Variants in SHE observed in about 807,000 individuals in gnomAD.
SHE encodes the protein SH2 domain-containing adapter protein E.
SHE carries 11 observed loss-of-function variants against 49.8 expected under a neutral mutation model. That is an observed-to-expected ratio of 0.22 (90% CI 0.14 to 0.37). The LOEUF (loss-of-function observed/expected upper bound fraction) is 0.37. Among genes scored for constraint, SHE ranks in the 10% least tolerant of loss-of-function variants. The pLI, the probability that SHE is intolerant of heterozygous loss-of-function variation, is 1.00. For missense variants in SHE, 624 were observed against 655.5 expected (o/e 0.95, Z 0.52); for synonymous variants, 310 against 278.1 (o/e 1.11, Z -1.14).
chr1:154,493,522 G>T (rs745858373), intron 2 of SHE, among the ~76,000 whole-genome samples: 14 of 152,234 alleles, frequency 9.2e-5, no homozygotes, highest in Non-Finnish European at 1.3e-4. Context: ...CAGGGGACGG[G>T]CAGCAGATAA....
At chr1:154,474,155 C>T (rs1028512984) in intron 1 of SHE, among the ~76,000 whole-genome samples, 1 of 152,222 alleles carries the variant, frequency 6.6e-6, no homozygotes, top group African/African-American at 2.4e-5. Flanking sequence ...CTGACCCACT[C>T]ACCCCGGGAG....
chr1:154,483,143 A>G lies in SHE; in HGVS notation c.*1006T>C. Reference sequence around the variant, plus strand: ...AATTCTAATAATGATGCCAATGCCTAATGATATTGGTGATTCTTAAACCTG... The same window carrying G: ...AATTCTAATAATGATGCCAATGCCTGATGATATTGGTGATTCTTAAACCTG... On this transcript the variant is annotated 3_prime_UTR_variant, in exon 6 of 6. Coordinates refer to ENST00000304760, the MANE Select transcript of SHE (RefSeq NM_001010846.3). 1 of 984,392 alleles carries G rather than the reference A, an allele frequency of 1.0e-6. No individual in the cohort carries two copies. Among genetic ancestry groups the G allele is most frequent in the Non-Finnish European group, 1.2e-6 (1 of 828,990 alleles). 61.0% of individuals were successfully genotyped at this position (984,392 alleles called of 1,614,324 possible).
rs1691971415 is a variant in SHE at position 154,479,784 on chromosome 1, A to G, written c.*4365T>C. 1 of 985,290 alleles carries G rather than the reference A, an allele frequency of 1.0e-6. No individual in the cohort carries two copies. Among genetic ancestry groups the G allele is most frequent in the Admixed American group, 6.2e-5 (1 of 16,254 alleles). 61.0% of individuals were successfully genotyped at this position (985,290 alleles called of 1,614,324 possible). A position where few individuals can be genotyped will look rare whatever the true frequency, so the allele number is the denominator to read the frequency against. The stretch of plus-strand genomic sequence containing the variant: ...CTGTTGCCAGCATATTAATTAAAAT[A>G]CAATTTGAGATTCTAAATTACACGA... On this transcript the variant is annotated 3_prime_UTR_variant, in exon 6 of 6. Transcript: ENST00000304760.
downstream of SHE, among the ~76,000 whole-genome samples, chr1:154,475,033 G>A (rs76215472): frequency 6.6e-6 from 1 of 152,080 alleles, no homozygotes; most frequent in Admixed American, 6.5e-5. Context: ...CTGTGTCTGG[G>A]AGCAAATGAC....
intron 2 of SHE, among the ~76,000 whole-genome samples, chr1:154,494,270 A>G (rs1054639745): frequency 6.6e-6 from 1 of 152,182 alleles, no homozygotes; most frequent in African/African-American, 2.4e-5. Context: ...CCTGAAATTT[A>G]GCGAGGAGAA....
Position 154,502,236 on chromosome 1 carries a change from G to C in SHE, c.-210C>G, listed in dbSNP as rs964263529. 6.1e-5 allele frequency: 16 copies of C among 262,912 alleles called. No homozygotes were observed. In the East Asian group the frequency reaches 1.5e-3, roughly 24 times the overall value. 16.3% of individuals were successfully genotyped at this position (262,912 alleles called of 1,614,324 possible). On this transcript the variant is annotated 5_prime_UTR_variant, in exon 1 of 6. Transcript: ENST00000304760. ...CCGGGCTCGTCTTCAACGCCTGCCC[G>C]GCCCGAGGACACCGTGGCTCTCGGA...
At chr1:154,474,392 C>T (rs1691825834) in intron 1 of SHE, among the ~76,000 whole-genome samples, 1 of 152,176 alleles carries the variant, frequency 6.6e-6, no homozygotes, top group African/African-American at 2.4e-5. Context: ...AGCCACTTCC[C>T]CTCCATCTAT....
chr1:154,491,697 G>T (rs1692371022), intron 2 of SHE, among the ~76,000 whole-genome samples: 1 of 152,220 alleles, frequency 6.6e-6, no homozygotes, highest in Non-Finnish European at 1.5e-5. Flanking sequence ...TGGATGGATG[G>T]GAGGAGAGAG....
chr1:154,502,092 C>G lies in SHE; in HGVS notation c.-66G>C. Reference sequence around the variant, plus strand: ...CGACGGCTGCTCCGTGCGCCCCCGGCCGGCCGTCGCCCACGCCCGGCAGGG... The same window carrying G: ...CGACGGCTGCTCCGTGCGCCCCCGGGCGGCCGTCGCCCACGCCCGGCAGGG... On this transcript the variant is annotated 5_prime_UTR_variant, in exon 1 of 6. Transcript: ENST00000304760. 8.4e-7 allele frequency: 1 copy of G among 1,186,662 alleles called. No homozygotes were observed. The highest frequency in any genetic ancestry group is 1.1e-6 in the Non-Finnish European group (1 of 950,268). The allele number at this position is 1,186,662 out of a possible 1,614,324, so 73.5% of individuals were successfully genotyped here. A position where few individuals can be genotyped will look rare whatever the true frequency, so the allele number is the denominator to read the frequency against.
rs1691971702 is a variant in SHE, at chr1:154,479,808, G to A, written c.*4341C>T. Reference sequence around the variant, plus strand: ...TACAATTTGAGATTCTAAATTACACGATCCAGCCTTAGTCCAGGGACCTTG... The same window carrying A: ...TACAATTTGAGATTCTAAATTACACAATCCAGCCTTAGTCCAGGGACCTTG... On this transcript the variant is annotated 3_prime_UTR_variant, in exon 6 of 6. Coordinates refer to ENST00000304760, the MANE Select transcript of SHE (RefSeq NM_001010846.3). 1.0e-6 allele frequency: 1 copy of A among 985,322 alleles called. No homozygotes were observed. The highest frequency in any genetic ancestry group is 1.2e-6 in the Non-Finnish European group (1 of 829,888). 61.0% of individuals were successfully genotyped at this position (985,322 alleles called of 1,614,324 possible). A position where few individuals can be genotyped will look rare whatever the true frequency, so the allele number is the denominator to read the frequency against.
intron 4 of SHE, 67 bp downstream of exon 4, chr1:154,486,460 G>C: frequency 6.4e-7 from 1 of 1,572,234 alleles, no homozygotes; most frequent in Non-Finnish European, 8.6e-7. Context: ...GGGCCAATGT[G>C]CTCCCTGATA....
chr1:154,501,400 G>C (rs1000536320), intron 1 of SHE, 36 bp downstream of exon 1: 3 of 1,598,536 alleles, frequency 1.9e-6, no homozygotes, highest in South Asian at 2.2e-5. Context: ...GCTCCCCTTC[G>C]ACTGAGAGGT....
Position 154,501,529 on chromosome 1 carries a change from G to A in SHE, c.498C>T (p.Ser166=). ...NGKSNYPSSS[S]SSSSSSSSAS... ...CGGAGGAAGAGGAGCTGGAGCTGGA[G>A]CTACTGCTGCTGGGGTAGTTGCTCT... The change falls in exon 1 of 6, where the codon AGC becomes AGT. Residue 166 remains serine, a synonymous_variant. Coordinates refer to ENST00000304760, the MANE Select transcript of SHE (RefSeq NM_001010846.3). 1 of 1,614,204 alleles carries A rather than the reference G, an allele frequency of 6.2e-7. No individual in the cohort carries two copies. Among genetic ancestry groups the A allele is most frequent in the Admixed American group, 1.7e-5 (1 of 60,028 alleles).
At position 154,489,203 on chromosome 1, in the gene SHE, T is replaced by C; in HGVS notation, c.872A>G (p.Asp291Gly). ...DLLGKPPQLY[D>G]TPYEPAEGGP... ...CCCTTCTGCAGGCTCGTAGGGAGTG[T>C]CGTATAGCTGTGGCGGCTTCCCCAG... is the stretch of plus-strand genomic sequence containing the variant. Residue 291 changes from aspartate (D) to glycine (G), a missense_variant, in exon 3 of 6, where the codon GAC (aspartate) becomes GGC (glycine). Around this residue, in one of 4 missense-constraint regions of SHE, gnomAD observed 155 missense variants for 142.0 expected, o/e 1.09. Transcript: ENST00000304760. 1 of 1,614,096 alleles carries C rather than the reference T, an allele frequency of 6.2e-7. No individual in the cohort carries two copies. Among genetic ancestry groups the C allele is most frequent in the Non-Finnish European group, 8.5e-7 (1 of 1,180,014 alleles).
At chr1:154,492,429 T>A (rs1692395360) in intron 2 of SHE, among the ~76,000 whole-genome samples, 1 of 152,166 alleles carries the variant, frequency 6.6e-6, no homozygotes, top group Non-Finnish European at 1.5e-5. Flanking sequence ...GCTAGTCCCA[T>A]CCTGAGGAGA....
chr1:154,486,259 A>C (rs548334473), intron 4 of SHE, among the ~76,000 whole-genome samples, 197 bp from the exon 5 acceptor site: 22 of 152,344 alleles, frequency 1.4e-4, no homozygotes, highest in African/African-American at 5.0e-4. Flanking sequence ...TATCAATCAT[A>C]CAAGAGTGAG....
chr1:154,489,048 C>T lies in SHE; in HGVS notation c.1024+3G>A, dbSNP rs369031328. The stretch of plus-strand genomic sequence containing the variant: ...TGGGGCGGGCCTGGCCTGGCGCCCT[C>T]ACCTGACAGAGCCCGCACGATCTGC... On this transcript the variant is annotated splice_donor_region_variant and intron_variant, in intron 3 of 5. Transcript: ENST00000304760. 2.2e-5 allele frequency: 34 copies of T among 1,556,344 alleles called. No individual in the cohort carries two copies. The highest frequency in any genetic ancestry group is 2.6e-5 in the Non-Finnish European group (30 of 1,150,452).
At position 154,481,449 on chromosome 1, in the gene SHE, A is replaced by C. The variant is rs575935287; in HGVS notation, c.*2700T>G. 39 of 985,330 alleles carry C rather than the reference A, an allele frequency of 4.0e-5. No individual in the cohort carries two copies. The highest frequency in any genetic ancestry group is 4.5e-5 in the Non-Finnish European group (37 of 829,940). 61.0% of individuals were successfully genotyped at this position (985,330 alleles called of 1,614,324 possible). A position where few individuals can be genotyped will look rare whatever the true frequency, so the allele number is the denominator to read the frequency against. On this transcript the variant is annotated 3_prime_UTR_variant, in exon 6 of 6. Transcript: ENST00000304760. The stretch of plus-strand genomic sequence containing the variant: ...TTGTCACAGAGAAACAGTATAGAAG[A>C]AGCATAATACTGGGCATATGACAGA...
chr1:154,474,010 C>T (rs1691816458), intron 1 of SHE, among the ~76,000 whole-genome samples: 1 of 152,156 alleles, frequency 6.6e-6, no homozygotes, highest in South Asian at 2.1e-4. Flanking sequence ...AAACCTGGGC[C>T]TGCTGGACTG....
Sources: gnomAD v4.1 joint callset for allele counts (sites outside exome capture counted in the v4.1 genomes callset) on GRCh38, gnomAD v4.1.1 for gene constraint, gnomAD v4.1.1 regional missense constraint, MANE v1.5 for transcripts, NCBI Gene and HGNC (gene_info 2026-07-23, HGNC 2026-07-21) for gene names.